The following PDE1C variants were observed in gnomAD, a reference collection of about 807,000 sequenced individuals.
PDE1C encodes the protein phosphodiesterase 1C.
PDE1C carries 62 observed loss-of-function variants against 93.1 expected under a neutral mutation model. The observed-to-expected ratio is 0.67, with a 90% CI of 0.54 to 0.82. The LOEUF is 0.82. PDE1C is among the 40% of genes least tolerant of loss of function. The pLI is 0.00. For synonymous variants in PDE1C, 325 were observed against 310.1 expected (o/e 1.05, Z -0.50); for missense variants, 742 against 884.6 (o/e 0.84, Z 2.04).
At chr7:31,734,459 C>A in the PDE1C span, among the ~76,000 whole-genome samples, 1 of 152,274 alleles carries the variant, frequency 6.6e-6, no homozygotes, top group African/African-American at 2.4e-5. Flanking sequence ...AAAGCCCCTG[C>A]ACCAAGGAGC....
intron 1 of PDE1C, among the ~76,000 whole-genome samples, chr7:32,246,833 A>G (rs1808996339): frequency 6.6e-6 from 1 of 152,240 alleles, no homozygotes; most frequent in Non-Finnish European, 1.5e-5. Flanking sequence ...ATAACATCCT[A>G]TCACAATACA....
intron 1 of PDE1C, among the ~76,000 whole-genome samples, chr7:32,225,019 ATT>A (rs989146501): frequency 4.7e-5 from 6 of 126,778 alleles, no homozygotes; most frequent in Admixed American, 1.6e-4. Context: ...CACCTTTCTT[ATT>A]TAAAAAAAAA....
At chr7:32,077,303 T>TA (rs1796410263) in intron 3 of PDE1C, among the ~76,000 whole-genome samples, 1 of 152,128 alleles carries the variant, frequency 6.6e-6, no homozygotes, top group Admixed American at 6.5e-5. Flanking sequence ...GAGGTTCTCA[T>TA]AAAATAGTAG....
rs955539651 is a variant in PDE1C at position 32,141,565 on chromosome 7, A to C, written c.308+28220T>G. On this transcript the variant is annotated intron_variant, in intron 3 of 18. Transcript: ENST00000396193. ...CTAATTGGGAGAAAAAATATCAACA[A>C]ACCCAAACAGAGAGATGATATTTGA... Among the ~76,000 whole-genome samples, 82 of 152,180 alleles carry C rather than the reference A, an allele frequency of 5.4e-4. 2 individuals carry two copies. The highest frequency in any genetic ancestry group is 5.4e-3 in the Admixed American group (82 of 15,286).
intron 3 of PDE1C, among the ~76,000 whole-genome samples, chr7:32,094,444 T>G (rs10246484): frequency 0.55 from 83,273 of 152,024 alleles, 23,084 homozygotes; most frequent in Middle Eastern, 0.69. Context: ...GTATGTGGAT[T>G]TTTACTACTT....
the PDE1C span, among the ~76,000 whole-genome samples, chr7:31,661,481 G>C: frequency 6.6e-6 from 1 of 152,150 alleles, no homozygotes; most frequent in African/African-American, 2.4e-5. Context: ...GGGAGCCCCA[G>C]GTGGGTGGAT....
At chr7:31,794,824 G>A (rs3807627) in intron 16 of PDE1C, among the ~76,000 whole-genome samples, 2,941 of 152,010 alleles carry the variant, frequency 0.019, 50 homozygotes, top group East Asian at 0.11. Flanking sequence ...GCCCAGGACC[G>A]TAAAGAAAGT....
At chr7:31,854,589 G>T (rs1793762064) in intron 7 of PDE1C, among the ~76,000 whole-genome samples, 1 of 152,200 alleles carries the variant, frequency 6.6e-6, no homozygotes, top group Non-Finnish European at 1.5e-5. Context: ...TATAGGGGCA[G>T]ATGAGGAGAC....
At chr7:31,663,598 T>G in the PDE1C span, among the ~76,000 whole-genome samples, 3 of 152,252 alleles carry the variant, frequency 2.0e-5, no homozygotes, top group Non-Finnish European at 4.4e-5. Flanking sequence ...CCAGTTGACC[T>G]GCTATTATTT....
chr7:31,890,567 T>C (rs1430265933), intron 2 of PDE1C, among the ~76,000 whole-genome samples: 1 of 152,176 alleles, frequency 6.6e-6, no homozygotes, highest in Non-Finnish European at 1.5e-5. Flanking sequence ...AATTGCATCA[T>C]GTTGGTATGA....
the PDE1C span, among the ~76,000 whole-genome samples, chr7:31,693,343 A>G: frequency 1.3e-5 from 2 of 152,226 alleles, no homozygotes; most frequent in South Asian, 4.1e-4. Context: ...AGCAGCATTC[A>G]TTTATTCAAC....
intron 3 of PDE1C, among the ~76,000 whole-genome samples, chr7:32,078,768 T>G (rs558396875): frequency 6.6e-6 from 1 of 151,870 alleles, no homozygotes; most frequent in Non-Finnish European, 1.5e-5. Context: ...CTACAAAAAA[T>G]TTTTAAAAAT....
intron 6 of PDE1C, 63 bp downstream of exon 6, chr7:31,873,229 G>C: frequency 2.0e-6 from 2 of 994,894 alleles, no homozygotes; most frequent in South Asian, 3.0e-5. Flanking sequence ...GAACCCAAAA[G>C]TCATATGAGG....
Position 31,828,328 on chromosome 7 carries a change from C to T in PDE1C, c.1249G>A (p.Asp417Asn). ...TGAGCAACCATAGTGGACTTTCGGT[C>T]ACACAGAGGAGAAAAAGGCAGCCCC... ...ELGLPFSPLC[D>N]RKSTMVAQSQ... The change falls in exon 12 of 18, where the codon GAC becomes AAC. Residue 417 changes from aspartate to asparagine, a missense_variant. Transcript: ENST00000396191. 1 of 1,612,586 alleles carries T rather than the reference C, an allele frequency of 6.2e-7. No homozygotes were observed. The highest frequency in any genetic ancestry group is 1.3e-5 in the African/African-American group (1 of 74,976).
chr7:31,679,536 AACTT>A, the PDE1C span, among the ~76,000 whole-genome samples: 8 of 152,328 alleles, frequency 5.3e-5, no homozygotes, highest in African/African-American at 1.4e-4. Flanking sequence ...AGAGTTAATG[AACTT>A]ACTTATTAAT....
intron 1 of PDE1C, among the ~76,000 whole-genome samples, chr7:32,401,536 CAA>C (rs58246141): frequency 2.5e-5 from 3 of 118,238 alleles, no homozygotes; most frequent in Non-Finnish European, 3.6e-5. Context: ...GACTCCATCT[CAA>C]AAAAAAAAAA....
chr7:31,675,544 C>T, the PDE1C span, among the ~76,000 whole-genome samples: 2 of 152,100 alleles, frequency 1.3e-5, no homozygotes, highest in African/African-American at 4.8e-5. Flanking sequence ...TATTTTGTCT[C>T]ATGCAGAGTG....
At chr7:32,382,550 C>T (rs1784554574) in intron 1 of PDE1C, among the ~76,000 whole-genome samples, 2 of 152,114 alleles carry the variant, frequency 1.3e-5, no homozygotes, top group East Asian at 3.9e-4. Context: ...GAGTCTCATG[C>T]CAAGCTCAGT....
At chr7:31,651,844 A>T in the PDE1C span, 188 of 788,340 alleles carry the variant, frequency 2.4e-4, 1 homozygote, top group East Asian at 4.4e-3. Context: ...CTTTTAAGAA[A>T]TTGCAAAGGA....
Sources: allele counts gnomAD v4.1 joint callset (sites outside exome capture counted in the v4.1 genomes callset), GRCh38; gene constraint gnomAD v4.1.1; transcripts MANE v1.5; gene names NCBI Gene and HGNC (gene_info 2026-07-23, HGNC 2026-07-21).